Variants in ADGRL2 observed in about 807,000 individuals in gnomAD.
ADGRL2 encodes adhesion G protein-coupled receptor L2, also known as calcium-independent alpha-latrotoxin receptor 2.
In ADGRL2, 44 loss-of-function variants were observed where a neutral mutation model predicts 157.4. The observed-to-expected ratio is 0.28, with a 90% confidence interval of 0.22 to 0.36. ADGRL2 has a LOEUF of 0.36. Among genes scored for constraint, ADGRL2 ranks in the 10% least tolerant of loss-of-function variants. The pLI is 1.00. For synonymous variants in ADGRL2, 585 were observed against 624.7 expected (o/e 0.94, Z 0.95); for missense variants, 1,510 against 1,768.9 (o/e 0.85, Z 2.63).
chr1:81,355,066 GC>G, intron 1 of ADGRL2, among the ~76,000 whole-genome samples: 1 of 152,242 alleles, frequency 6.6e-6, no homozygotes, highest in East Asian at 1.9e-4. Context: ...CAATAGACAG[GC>G]TTTTTCTATG....
chr1:81,503,655 G>A (rs942321199), intron 2 of ADGRL2, among the ~76,000 whole-genome samples: 1 of 152,178 alleles, frequency 6.6e-6, no homozygotes, highest in East Asian at 1.9e-4. Context: ...GCAGGGAGAG[G>A]CTAGAGGGGC....
chr1:81,403,569 ACACTTTTT>A (rs544749569), intron 1 of ADGRL2, among the ~76,000 whole-genome samples: 1,588 of 152,042 alleles, frequency 0.01, 27 homozygotes, highest in African/African-American at 0.034. Flanking sequence ...CCTGGCCATA[ACACTTTTT>A]CTTTAATGAG....
At chr1:81,533,336 G>T (rs980634840) in intron 2 of ADGRL2, among the ~76,000 whole-genome samples, 9 of 152,124 alleles carry the variant, frequency 5.9e-5, no homozygotes, top group Non-Finnish European at 8.8e-5. Flanking sequence ...CCAAGATTGT[G>T]CCATTGCACT....
chr1:81,707,286 C>A (rs2083768561), intron 1 of ADGRL2, among the ~76,000 whole-genome samples: 1 of 152,158 alleles, frequency 6.6e-6, no homozygotes, highest in Non-Finnish European at 1.5e-5. Flanking sequence ...TCCTACAATT[C>A]ATGCTTAGGA....
chr1:81,484,018 T>G (rs1557724944), intron 2 of ADGRL2, among the ~76,000 whole-genome samples: 2 of 152,188 alleles, frequency 1.3e-5, no homozygotes, highest in East Asian at 3.8e-4. Context: ...TAGGTTTTCA[T>G]GTTTTAAACT....
chr1:81,989,835 C>A (rs1242529309), intron 23 of ADGRL2: 3 of 1,397,184 alleles, frequency 2.1e-6, no homozygotes, highest in South Asian at 3.8e-5. Flanking sequence ...TGTTTTCATT[C>A]TTTTTTTTAC....
intron 2 of ADGRL2, among the ~76,000 whole-genome samples, chr1:81,849,462 T>C (rs2092920842): frequency 6.6e-6 from 1 of 151,930 alleles, no homozygotes; most frequent in Non-Finnish European, 1.5e-5. Context: ...CGTGAGTAGA[T>C]TTCAATTATA....
At chr1:81,764,600 T>C (rs1308982300) in intron 2 of ADGRL2, among the ~76,000 whole-genome samples, 1 of 152,074 alleles carries the variant, frequency 6.6e-6, no homozygotes, top group South Asian at 2.1e-4. Flanking sequence ...AGGATTACTA[T>C]AAAACCTAGG....
intron 2 of ADGRL2, among the ~76,000 whole-genome samples, chr1:81,766,830 C>CAAAAAAAAAAAAAAAAAAAAAAAAAAAAA (rs71592740): frequency 1.2e-5 from 1 of 81,098 alleles, no homozygotes; most frequent in Non-Finnish European, 2.4e-5. Flanking sequence ...AACTCCGTCT[C>CAAAAAAAAAAAAAAAAAAAAAAAAAAAAA]AAAAAAAAAA....
At chr1:81,571,577 C>G (rs1275161113) in intron 2 of ADGRL2, among the ~76,000 whole-genome samples, 1 of 151,018 alleles carries the variant, frequency 6.6e-6, no homozygotes, top group African/African-American at 2.4e-5. Flanking sequence ...TTTGTCCGGC[C>G]CATAAAATAT....
At chr1:81,663,092 C>T (rs373262446) in intron 3 of ADGRL2, among the ~76,000 whole-genome samples, 3 of 149,246 alleles carry the variant, frequency 2.0e-5, no homozygotes, top group East Asian at 4.0e-4. Flanking sequence ...CTCCTCCCAC[C>T]ACTGTAAGGA....
In ADGRL2 at chr1:81,435,809, T is replaced by A. The variant is rs1405393215; in HGVS notation, c.-301-9227T>A. ...AGAATGATGAATAAAAAATCATACA[T>A]CTTCAGACAGGGTGCGGTGGCTCAT... is the stretch of plus-strand genomic sequence containing the variant. On this transcript the variant is annotated intron_variant, in intron 1 of 24. Coordinates refer to the ADGRL2 transcript ENST00000370721. Among the ~76,000 whole-genome samples the A allele has an allele frequency of 3.9e-5, 6 of 152,244 alleles. 1 individual carries two copies. Among genetic ancestry groups the A allele is most frequent in the Non-Finnish European group, 8.8e-5 (6 of 68,006 alleles).
At chr1:81,984,985 CAATA>C (rs1280985365) in intron 20 of ADGRL2, among the ~76,000 whole-genome samples, 1 of 152,000 alleles carries the variant, frequency 6.6e-6, no homozygotes, top group Non-Finnish European at 1.5e-5. Context: ...AGCAGGCACT[CAATA>C]AACATATATT....
intron 2 of ADGRL2, among the ~76,000 whole-genome samples, chr1:81,493,604 G>T (rs1188186615): frequency 1.3e-5 from 2 of 152,158 alleles, no homozygotes; most frequent in African/African-American, 4.8e-5. Flanking sequence ...GCAAGAGTTT[G>T]TCTCTGGTCA....
At chr1:81,767,495 G>A (rs890456448) in intron 2 of ADGRL2, among the ~76,000 whole-genome samples, 5 of 152,076 alleles carry the variant, frequency 3.3e-5, no homozygotes, top group African/African-American at 1.2e-4. Flanking sequence ...TAAGGCACAG[G>A]ATAGCCCCAC....
At chr1:81,596,363 G>C (rs1281863171) in intron 3 of ADGRL2, 1 of 515,732 alleles carries the variant, frequency 1.9e-6, no homozygotes, top group African/African-American at 1.9e-5. Context: ...CTTTCACTTC[G>C]AGATTCTTTT....
At chr1:81,625,849 G>C (rs2081898737) in intron 3 of ADGRL2, 1 of 152,120 alleles carries the variant, frequency 6.6e-6, no homozygotes, top group Admixed American at 6.5e-5. Flanking sequence ...AGCATCTTTA[G>C]AACAAACCAC....
At chr1:81,357,888 G>A (rs745742248) in intron 1 of ADGRL2, among the ~76,000 whole-genome samples, 5 of 152,148 alleles carry the variant, frequency 3.3e-5, no homozygotes, top group African/African-American at 7.2e-5. Context: ...TTTACAAAAT[G>A]AGGATATTAA....
intron 1 of ADGRL2, among the ~76,000 whole-genome samples, chr1:81,312,750 G>C (rs1462007184): frequency 6.6e-6 from 1 of 152,192 alleles, no homozygotes; most frequent in African/African-American, 2.4e-5. Context: ...GGATGGAGCA[G>C]TTTACAGGTG....
Sources: gnomAD v4.1 joint callset for allele counts (sites outside exome capture counted in the v4.1 genomes callset) on GRCh38, gnomAD v4.1.1 for gene constraint, MANE v1.5 for transcripts, NCBI Gene and HGNC (gene_info 2026-07-23, HGNC 2026-07-21) for gene names.